RNF150: variants seen among roughly 807,000 people sequenced by gnomAD.
RNF150 encodes the protein ring finger protein 150.
In RNF150, 24 loss-of-function variants were observed where a neutral mutation model predicts 39.3. The observed-to-expected ratio is 0.61, with a 90% confidence interval of 0.44 to 0.86. RNF150 has a LOEUF of 0.86. RNF150 is among the 40% of genes least tolerant of loss of function. The pLI, the probability that RNF150 is intolerant of heterozygous loss-of-function variation, is 0.00. For missense variants in RNF150, 502 were observed against 587.8 expected, an observed-to-expected ratio of 0.85 and a Z score of 1.51; for synonymous variants, 255 against 227.3, an observed-to-expected ratio of 1.12 and a Z score of -1.10.
intron 6 of RNF150, among the ~76,000 whole-genome samples, chr4:140,901,057 T>A (rs1467522322): frequency 6.6e-6 from 1 of 152,154 alleles, no homozygotes; most frequent in Non-Finnish European, 1.5e-5. Flanking sequence ...TTATTTATCA[T>A]GGGTTAATAT....
chr4:140,923,562 G>T (rs1202206033), intron 5 of RNF150, among the ~76,000 whole-genome samples: 4 of 152,180 alleles, frequency 2.6e-5, no homozygotes, highest in African/African-American at 9.7e-5. Context: ...AGTCGGTGTG[G>T]CGATTCCTCA....
Position 140,866,873 on chromosome 4 carries a change from C to T in RNF150, c.*1388G>A, listed in dbSNP as rs1728732479. ...TAGTCTGAATATATTACAAAATTGC[C>T]CACTGAAAAAATAGCACATTTCTGT... On this transcript the variant is annotated 3_prime_UTR_variant, in exon 7 of 7. Coordinates refer to ENST00000515673, the MANE Select transcript of RNF150 (RefSeq NM_020724.2). The T allele has an allele frequency of 6.6e-6, 1 of 152,018 alleles. No homozygotes were observed. The highest frequency in any genetic ancestry group is 2.4e-5 in the African/African-American group (1 of 41,386). The allele number at this position is 152,018 out of a possible 1,614,324, so 9.4% of individuals were successfully genotyped here.
At chr4:140,905,227 T>G (rs1863300) in intron 6 of RNF150, among the ~76,000 whole-genome samples, 1 of 151,610 alleles carries the variant, frequency 6.6e-6, no homozygotes, top group Non-Finnish European at 1.5e-5. Flanking sequence ...TATATATACA[T>G]ATATATTTTT....
intron 1 of RNF150, among the ~76,000 whole-genome samples, chr4:141,156,089 G>A (rs1403916799): frequency 6.6e-6 from 1 of 150,806 alleles, no homozygotes; most frequent in African/African-American, 2.5e-5. Context: ...TCCCATCATG[G>A]CTGGAAGGAG....
At chr4:140,989,691 A>G (rs562926690) in intron 1 of RNF150, among the ~76,000 whole-genome samples, 1 of 152,310 alleles carries the variant, frequency 6.6e-6, no homozygotes, top group East Asian at 1.9e-4. Flanking sequence ...CGGTAGTATT[A>G]TAACGACTAA....
At chr4:140,931,624 C>T (rs113110323) in intron 4 of RNF150, among the ~76,000 whole-genome samples, 18 of 152,292 alleles carry the variant, frequency 1.2e-4, no homozygotes, top group Admixed American at 2.6e-4. Flanking sequence ...CATGGTTTAA[C>T]AAGTGCTGAG....
intron 4 of RNF150, among the ~76,000 whole-genome samples, chr4:140,944,391 C>G (rs1440001724): frequency 6.6e-6 from 1 of 152,030 alleles, no homozygotes; most frequent in East Asian, 1.9e-4. Flanking sequence ...GGGTGTCTGT[C>G]CCTCATGGTA....
chr4:141,000,060 A>G (rs374337365), intron 1 of RNF150, among the ~76,000 whole-genome samples: 1,341 of 94,226 alleles, frequency 0.014, 201 homozygotes, highest in Middle Eastern at 0.029. Context: ...GAAGAAGAAG[A>G]AGAAGAAGAA....
intron 1 of RNF150, among the ~76,000 whole-genome samples, chr4:141,193,018 A>T (rs1199314571): frequency 1.3e-5 from 2 of 152,120 alleles, no homozygotes; most frequent in East Asian, 3.9e-4. Flanking sequence ...CCTTCTCTAA[A>T]ACTCCATTTC....
rs1730587164 is a variant in RNF150, at chr4:140,911,217, A to T, written c.1125T>A (p.Thr375=). Residue 375 remains threonine (T), a synonymous_variant, in exon 6 of 7, where the codon ACT becomes ACA. Transcript: ENST00000515673. ...SSVTLDPAVR[T]VGALQVVQDT... ...CCTGGACCACCTGCAAGGCTCCCAC[A>T]GTCCGGACAGCAGGGTCCAAAGTGA... 7.4e-6 allele frequency: 12 copies of T among 1,614,176 alleles called. No homozygotes were observed. The highest frequency in any genetic ancestry group is 8.5e-6 in the Non-Finnish European group (10 of 1,180,012).
At chr4:141,025,780 A>G (rs370196397) in intron 1 of RNF150, among the ~76,000 whole-genome samples, 2 of 152,164 alleles carry the variant, frequency 1.3e-5, no homozygotes, top group Non-Finnish European at 2.9e-5. Context: ...TAAGGGTCAA[A>G]TGAAACATTG....
intron 1 of RNF150, among the ~76,000 whole-genome samples, chr4:141,085,331 T>C (rs1738321677): frequency 6.6e-6 from 1 of 152,178 alleles, no homozygotes; most frequent in Non-Finnish European, 1.5e-5. Context: ...GTGGGCATTA[T>C]GGGAGCTACA....
intron 5 of RNF150, among the ~76,000 whole-genome samples, chr4:140,918,759 T>C (rs1322313068): frequency 6.6e-6 from 1 of 152,002 alleles, no homozygotes; most frequent in Non-Finnish European, 1.5e-5. Flanking sequence ...CCAATATCCT[T>C]GACGAAAATT....
intron 1 of RNF150, among the ~76,000 whole-genome samples, chr4:141,081,116 T>G (rs1738134412): frequency 6.6e-6 from 1 of 152,214 alleles, no homozygotes; most frequent in Non-Finnish European, 1.5e-5. Context: ...ATAATATCAG[T>G]ACTGCTCAAA....
At chr4:140,911,706 T>G (rs1474908556) in intron 5 of RNF150, among the ~76,000 whole-genome samples, 1 of 152,198 alleles carries the variant, frequency 6.6e-6, no homozygotes, top group African/African-American at 2.4e-5. Context: ...ACATATAGTA[T>G]TATTTATTCC....
intron 1 of RNF150, among the ~76,000 whole-genome samples, chr4:141,072,310 C>A (rs1737737801): frequency 6.6e-6 from 1 of 152,188 alleles, no homozygotes; most frequent in Non-Finnish European, 1.5e-5. Flanking sequence ...AAAACAGAAA[C>A]TGCATTACCA....
intron 5 of RNF150, among the ~76,000 whole-genome samples, chr4:140,918,747 G>C (rs1269798400): frequency 1.3e-5 from 2 of 151,778 alleles, no homozygotes; most frequent in Non-Finnish European, 2.9e-5. Flanking sequence ...GAGAATTTTA[G>C]ACCAATATCC....
At chr4:140,901,970 G>A (rs1192457850) in intron 6 of RNF150, among the ~76,000 whole-genome samples, 1 of 152,172 alleles carries the variant, frequency 6.6e-6, no homozygotes, top group East Asian at 1.9e-4. Context: ...GAGGCAGGGA[G>A]AAAGATGCAG....
intron 1 of RNF150, among the ~76,000 whole-genome samples, chr4:141,112,210 C>G (rs960335969): frequency 1.2e-4 from 18 of 152,092 alleles, no homozygotes; most frequent in Non-Finnish European, 2.4e-4. Flanking sequence ...TTAATTGGGG[C>G]ATTTAGCCCA....
Sources: allele counts gnomAD v4.1 joint callset (sites outside exome capture counted in the v4.1 genomes callset), GRCh38; gene constraint gnomAD v4.1.1; transcripts MANE v1.5; gene names NCBI Gene and HGNC (gene_info 2026-07-23, HGNC 2026-07-21).